SAMD12: variants seen among roughly 807,000 people sequenced by gnomAD.
SAMD12 encodes the protein sterile alpha motif domain-containing protein 12.
Under a neutral mutation model 15.0 loss-of-function variants are expected in SAMD12, and 9 were observed. The observed-to-expected ratio is 0.60, with a 90% confidence interval of 0.36 to 1.05. SAMD12 has a LOEUF of 1.05. Among genes scored for constraint, SAMD12 ranks in the 50% least tolerant of loss-of-function variants. SAMD12 has a pLI of 0.01. For missense variants in SAMD12, 230 were observed against 234.2 expected (o/e 0.98, Z 0.12); for synonymous variants, 86 against 90.1 (o/e 0.96, Z 0.25).
At chr8:118,484,215 C>T (rs1824213450) in intron 2 of SAMD12, among the ~76,000 whole-genome samples, 1 of 151,942 alleles carries the variant, frequency 6.6e-6, no homozygotes, top group Non-Finnish European at 1.5e-5. Flanking sequence ...GTGTGCTGGC[C>T]AGGTGGAATT....
rs138066033 is a variant in SAMD12, at chr8:118,515,000, TTTTGTTTGTTTG to T, written c.192+65703_192+65714del. Among the ~76,000 whole-genome samples the T allele has an allele frequency of 4.3e-4, 64 of 149,400 alleles. No homozygotes were observed. In the South Asian group the frequency reaches 6.9e-3, roughly 16 times the overall value. The stretch of plus-strand genomic sequence containing the variant: ...TTCTCATGATCTGGCTGTTTAAAAG[TTTTGTTTGTTTG>T]TTTGTTTGTTTGTTTGTTTGTTTTG... On this transcript the variant is annotated intron_variant, in intron 2 of 3. Transcript: ENST00000314727.
chr8:118,149,862 C>T, the SAMD12 span, among the ~76,000 whole-genome samples: 1 of 152,014 alleles, frequency 6.6e-6, no homozygotes, highest in Admixed American at 6.6e-5. Context: ...ACCTTTGATC[C>T]TTTGTTGAAA....
At chr8:118,226,096 G>T (rs9632826) in intron 4 of SAMD12, among the ~76,000 whole-genome samples, 16,296 of 152,162 alleles carry the variant, frequency 0.11, 1,198 homozygotes, top group African/African-American at 0.19. Flanking sequence ...AAGTGCTGGT[G>T]CATACTAAGT....
At position 118,440,410 on chromosome 8, in the gene SAMD12, G is replaced by C. The variant is rs960176782; in HGVS notation, c.193-449C>G. Among the ~76,000 whole-genome samples, 3 of 152,134 alleles carry C rather than the reference G, an allele frequency of 2.0e-5. No homozygotes were observed. In the South Asian group the frequency reaches 6.2e-4, roughly 31 times the overall value. On this transcript the variant is annotated intron_variant, in intron 2 of 3. Transcript: ENST00000314727. ...AAGTGCTAATAATATTTTTAGGAAC[G>C]AATGTTACTGGATTTAGATAACTGT... is the stretch of plus-strand genomic sequence containing the variant.
At chr8:118,347,860 G>C (rs1381684998) in intron 4 of SAMD12, among the ~76,000 whole-genome samples, 2 of 152,144 alleles carry the variant, frequency 1.3e-5, no homozygotes, top group African/African-American at 4.8e-5. Flanking sequence ...TCTAATAAGA[G>C]GTTGAACTAG....
At chr8:118,610,772 G>A (rs913370444) in intron 1 of SAMD12, among the ~76,000 whole-genome samples, 2 of 152,110 alleles carry the variant, frequency 1.3e-5, no homozygotes, top group Non-Finnish European at 2.9e-5. Flanking sequence ...TGTGATAATA[G>A]GATAAGAGCT....
Position 118,580,742 on chromosome 8 carries a change from T to A in SAMD12, c.165A>T (p.Arg55=). The change falls in exon 2 of 4, where the codon CGA becomes CGT. Residue 55 remains arginine, a synonymous_variant. Transcript: ENST00000314727. The part of the protein sequence containing the change: ...KVPDQKGTPK[R]LQAEAETAKS... ...TAGCCGTCTCAGCTTCTGCCTGCAG[T>A]CGCTTGGGAGTTCCTTTCTGGTCAG... is the stretch of plus-strand genomic sequence containing the variant. 1.2e-6 allele frequency: 2 copies of A among 1,613,178 alleles called. No homozygotes were observed. The highest frequency in any genetic ancestry group is 8.5e-7 in the Non-Finnish European group (1 of 1,179,382).
At chr8:118,357,104 C>A (rs2130621612) in intron 4 of SAMD12, among the ~76,000 whole-genome samples, 1 of 152,274 alleles carries the variant, frequency 6.6e-6, no homozygotes, top group Admixed American at 6.5e-5. Flanking sequence ...CTCATCACTC[C>A]CTTGTTTAAA....
chr8:118,342,594 T>C (rs1271433610), intron 4 of SAMD12, among the ~76,000 whole-genome samples: 1 of 152,164 alleles, frequency 6.6e-6, no homozygotes, highest in Admixed American at 6.5e-5. Flanking sequence ...AAGATGACGA[T>C]GGAAGTACTG....
chr8:118,288,322 C>A (rs372746551), intron 4 of SAMD12: 1 of 152,082 alleles, frequency 6.6e-6, no homozygotes, highest in Non-Finnish European at 1.5e-5. Context: ...TTCAGGTTCG[C>A]GTGGTAATAA....
chr8:118,368,690 GAGA>G (rs1818927165), intron 4 of SAMD12, among the ~76,000 whole-genome samples: 2 of 152,158 alleles, frequency 1.3e-5, no homozygotes, highest in East Asian at 3.8e-4. Context: ...TCACTGCTTT[GAGA>G]AGATTTAGTG....
chr8:118,263,014 A>G (rs903468589), intron 4 of SAMD12, among the ~76,000 whole-genome samples: 38 of 152,078 alleles, frequency 2.5e-4, no homozygotes, highest in Admixed American at 2.2e-3. Flanking sequence ...TCAAACATAT[A>G]CAAAATTAGG....
At chr8:118,230,744 G>A (rs1812294302) in intron 4 of SAMD12, among the ~76,000 whole-genome samples, 1 of 152,106 alleles carries the variant, frequency 6.6e-6, no homozygotes, top group South Asian at 2.1e-4. Flanking sequence ...AGGCCCTGGA[G>A]TGCAAATAAA....
intron 4 of SAMD12, among the ~76,000 whole-genome samples, chr8:118,198,645 C>A (rs1459032664): frequency 6.6e-6 from 1 of 152,082 alleles, no homozygotes; most frequent in Non-Finnish European, 1.5e-5. Context: ...ACAGAACGCA[C>A]TATTTGTAAG....
intron 1 of SAMD12, among the ~76,000 whole-genome samples, chr8:118,596,098 C>T (rs1336637407): frequency 6.6e-6 from 1 of 152,220 alleles, no homozygotes; most frequent in Non-Finnish European, 1.5e-5. Flanking sequence ...TGTTGTTGAA[C>T]AACCGCTCTG....
At chr8:118,614,043 TG>T (rs1828172676) in intron 1 of SAMD12, among the ~76,000 whole-genome samples, 1 of 152,244 alleles carries the variant, frequency 6.6e-6, no homozygotes, top group Non-Finnish European at 1.5e-5. Flanking sequence ...TACACTTTGT[TG>T]GTGTTCTTCC....
At chr8:118,459,347 T>A (rs1051172771) in intron 2 of SAMD12, among the ~76,000 whole-genome samples, 1 of 152,170 alleles carries the variant, frequency 6.6e-6, no homozygotes, top group African/African-American at 2.4e-5. Context: ...ATTACAGATG[T>A]GAGCCACCAC....
the SAMD12 span, among the ~76,000 whole-genome samples, chr8:118,134,926 A>G: frequency 2.6e-5 from 4 of 152,160 alleles, no homozygotes; most frequent in Non-Finnish European, 4.4e-5. Context: ...CTCATGAATC[A>G]TGTGAAAAAC....
At chr8:118,331,911 A>G (rs1237463683) in intron 4 of SAMD12, among the ~76,000 whole-genome samples, 1 of 152,156 alleles carries the variant, frequency 6.6e-6, no homozygotes, top group Admixed American at 6.5e-5. Flanking sequence ...CTCACTATTC[A>G]TAATTGGGGA....
Sources: gnomAD v4.1 joint callset for allele counts (sites outside exome capture counted in the v4.1 genomes callset) on GRCh38, gnomAD v4.1.1 for gene constraint, MANE v1.5 for transcripts, NCBI Gene and HGNC (gene_info 2026-07-23, HGNC 2026-07-21) for gene names.